PRR16: variants seen among roughly 807,000 people sequenced by gnomAD.
PRR16 encodes the protein proline rich 16.
PRR16 carries 6 observed loss-of-function variants against 18.2 expected under a neutral mutation model. That is an observed-to-expected ratio of 0.33 (90% confidence interval 0.18 to 0.65). The LOEUF is 0.65. PRR16 is among the 30% of genes least tolerant of loss of function. PRR16 has a pLI of 0.74. For missense variants in PRR16, 412 were observed against 376.6 expected, an observed-to-expected ratio of 1.09 and a Z score of -0.78; for synonymous variants, 151 against 147.8, an observed-to-expected ratio of 1.02 and a Z score of -0.16.
chr5:120,474,828 T>G (rs1222536359), intron 1 of PRR16, among the ~76,000 whole-genome samples: 1 of 152,176 alleles, frequency 6.6e-6, no homozygotes, highest in African/African-American at 2.4e-5. Flanking sequence ...TCAGAAAGAA[T>G]GAAGGGAGCA....
chr5:120,670,629 T>C (rs2150146014), intron 1 of PRR16, among the ~76,000 whole-genome samples: 1 of 152,182 alleles, frequency 6.6e-6, no homozygotes, highest in Admixed American at 6.5e-5. Context: ...CCTTACTCCA[T>C]TAAGAATGCT....
At chr5:120,644,398 A>G (rs534568049) in intron 1 of PRR16, among the ~76,000 whole-genome samples, 51 of 145,286 alleles carry the variant, frequency 3.5e-4, no homozygotes, top group Non-Finnish European at 6.2e-4. Flanking sequence ...AATGTCAAAC[A>G]TTGATATTAT....
chr5:120,752,449 A>G, the PRR16 span, among the ~76,000 whole-genome samples: 1 of 151,972 alleles, frequency 6.6e-6, no homozygotes, highest in South Asian at 2.1e-4. Flanking sequence ...AAGGGGCCTA[A>G]CATTTGTACA....
the PRR16 span, among the ~76,000 whole-genome samples, chr5:120,766,276 T>TTTTG: frequency 6.6e-6 from 1 of 152,026 alleles, no homozygotes; most frequent in South Asian, 2.1e-4. Flanking sequence ...CATTGCCTGC[T>TTTTG]TTTGTTTTAT....
the PRR16 span, among the ~76,000 whole-genome samples, chr5:120,718,058 C>T: frequency 6.6e-6 from 1 of 152,078 alleles, no homozygotes; most frequent in African/African-American, 2.4e-5. Context: ...TAATGCCCTA[C>T]ACTTGTTAGA....
the PRR16 span, among the ~76,000 whole-genome samples, chr5:120,791,711 ACTC>A: frequency 6.6e-6 from 1 of 151,910 alleles, no homozygotes; most frequent in African/African-American, 2.4e-5. Context: ...CAAAAATGGA[ACTC>A]AATCAAAAAG....
At chr5:120,773,248 A>G in the PRR16 span, among the ~76,000 whole-genome samples, 17 of 152,162 alleles carry the variant, frequency 1.1e-4, no homozygotes, top group Admixed American at 8.5e-4. Flanking sequence ...CTTGAAAACA[A>G]TAAGGTACAA....
At chr5:120,616,627 T>A (rs886408137) in intron 1 of PRR16, among the ~76,000 whole-genome samples, 1 of 152,152 alleles carries the variant, frequency 6.6e-6, no homozygotes, top group African/African-American at 2.4e-5. Flanking sequence ...CGTGTTTATA[T>A]CCGTTTCTGT....
In PRR16 at chr5:120,523,296, G is replaced by A. The variant is rs1751247105; in HGVS notation, c.159+58651G>A. On this transcript the variant is annotated intron_variant, in intron 1 of 1. Transcript: ENST00000407149. ...CTTGAAGGTTTTTAAAGGTATAATT[G>A]CCTCTTAGGTTAGATATATTTTGTT... Among the ~76,000 whole-genome samples the A allele has an allele frequency of 2.0e-5, 3 of 152,214 alleles. No homozygotes were observed. In the East Asian group the frequency reaches 5.8e-4, roughly 29 times the overall value.
chr5:120,621,416 C>G (rs1168097177), intron 1 of PRR16, among the ~76,000 whole-genome samples: 1 of 152,068 alleles, frequency 6.6e-6, no homozygotes, highest in Non-Finnish European at 1.5e-5. Flanking sequence ...CCTGTGATCT[C>G]TTCTCAGCCA....
At chr5:120,655,386 T>TG (rs1755932117) in intron 1 of PRR16, among the ~76,000 whole-genome samples, 1 of 88,172 alleles carries the variant, frequency 1.1e-5, no homozygotes, top group Non-Finnish European at 2.7e-5. Flanking sequence ...TTTTTTTTTT[T>TG]TTAAAAAAAA....
At chr5:120,654,003 G>A (rs952633477) in intron 1 of PRR16, among the ~76,000 whole-genome samples, 2 of 151,964 alleles carry the variant, frequency 1.3e-5, no homozygotes, top group Non-Finnish European at 2.9e-5. Flanking sequence ...AAGGTAGCTA[G>A]GCAAATGACC....
At chr5:120,523,665 A>C (rs968916254) in intron 1 of PRR16, among the ~76,000 whole-genome samples, 2 of 152,322 alleles carry the variant, frequency 1.3e-5, no homozygotes, top group African/African-American at 4.8e-5. Context: ...TATAAACATT[A>C]CTACCTATAG....
chr5:120,576,169 T>G (rs1338632473), intron 1 of PRR16, among the ~76,000 whole-genome samples: 1 of 152,058 alleles, frequency 6.6e-6, no homozygotes, highest in Non-Finnish European at 1.5e-5. Context: ...GAAGACAAAC[T>G]AAAAATCTTC....
At chr5:120,538,078 T>G (rs1220558486) in intron 1 of PRR16, among the ~76,000 whole-genome samples, 1 of 152,214 alleles carries the variant, frequency 6.6e-6, no homozygotes, top group African/African-American at 2.4e-5. Flanking sequence ...GCCCGGCCGT[T>G]GTTTATAATA....
chr5:120,518,075 T>C (rs1196887641), intron 1 of PRR16, among the ~76,000 whole-genome samples: 1 of 152,192 alleles, frequency 6.6e-6, no homozygotes, highest in East Asian at 1.9e-4. Flanking sequence ...TCTTGTCTGC[T>C]TTCAGATGTC....
At chr5:120,604,449 A>T (rs1754086733) in intron 1 of PRR16, among the ~76,000 whole-genome samples, 1 of 152,062 alleles carries the variant, frequency 6.6e-6, no homozygotes, top group East Asian at 1.9e-4. Flanking sequence ...GTCACTGCAG[A>T]TGATATGGGT....
chr5:120,792,756 C>T, the PRR16 span, among the ~76,000 whole-genome samples: 1 of 152,166 alleles, frequency 6.6e-6, no homozygotes, highest in Non-Finnish European at 1.5e-5. Flanking sequence ...AGAAAAAATA[C>T]ATAGACTATT....
At chr5:120,509,108 G>T (rs540284722) in intron 1 of PRR16, among the ~76,000 whole-genome samples, 46 of 152,218 alleles carry the variant, frequency 3.0e-4, no homozygotes, top group African/African-American at 9.6e-4. Flanking sequence ...AATCTCGATA[G>T]TGAATTTTTA....
Sources: allele counts gnomAD v4.1 joint callset (sites outside exome capture counted in the v4.1 genomes callset), GRCh38; gene constraint gnomAD v4.1.1; transcripts MANE v1.5; gene names NCBI Gene and HGNC (gene_info 2026-07-23, HGNC 2026-07-21).